Variants in WDR35 observed in about 807,000 individuals in gnomAD.
The protein encoded by WDR35 is WD repeat domain 35.
Under a neutral mutation model 158.3 loss-of-function variants are expected in WDR35, and 118 were observed. The ratio of observed to expected loss-of-function variants is 0.75; its 90% CI spans 0.64 to 0.87. The LOEUF (loss-of-function observed/expected upper bound fraction) is 0.87, where lower values mean the gene tolerates loss of function less well. Ranked by LOEUF, WDR35 falls within the 40% of genes least tolerant of loss-of-function variation. The pLI, the probability that WDR35 is intolerant of heterozygous loss-of-function variation, is 0.00. For synonymous variants in WDR35, 448 were observed against 476.1 expected (o/e 0.94, Z 0.77); for missense variants, 1,263 against 1,405.8 (o/e 0.90, Z 1.62).
intron 2 of WDR35, among the ~76,000 whole-genome samples, chr2:19,986,718 A>G (rs1382947586): frequency 6.6e-6 from 1 of 152,186 alleles, no homozygotes; most frequent in Non-Finnish European, 1.5e-5. Context: ...CCAGCAAAAC[A>G]CTGGAAGCTG....
chr2:19,940,649 T>C (rs148081802), intron 17 of WDR35, among the ~76,000 whole-genome samples: 426 of 152,270 alleles, frequency 2.8e-3, no homozygotes, highest in African/African-American at 9.3e-3. Flanking sequence ...CTGCCTCACA[T>C]GGGGCAAGCT....
At chr2:19,930,627 C>T (rs1553316309) in intron 24 of WDR35, 75 bp from the exon 25 acceptor site, 4 of 1,593,914 alleles carry the variant, frequency 2.5e-6, no homozygotes, top group South Asian at 2.2e-5. Context: ...TAACAACAGT[C>T]ATTAAAGTAT....
At chr2:19,989,918 C>T in intron 1 of WDR35, 74 bp downstream of exon 1, 1 of 1,599,938 alleles carries the variant, frequency 6.3e-7, no homozygotes, top group Non-Finnish European at 8.5e-7. Context: ...AGCCTGGCTT[C>T]TCGGGAAGGC....
Position 19,989,232 on chromosome 2 carries a change from T to C in WDR35, c.75A>G (p.Glu25=). Residue 25 remains glutamate, a synonymous_variant, in exon 2 of 27, where the codon GAA becomes GAG. Coordinates refer to ENST00000281405, the MANE Select transcript of WDR35 (RefSeq NM_020779.4). ...VKLQCVSWNK[E]QGFIACGGED... is the part of the protein sequence containing the mutation. Reference sequence around the variant, plus strand: ...CACCACCGCATGCTATGAACCCTTGTTCCTTGTTCCAGGATACACACTGCA... The same window carrying C: ...CACCACCGCATGCTATGAACCCTTGCTCCTTGTTCCAGGATACACACTGCA... 1 of 1,614,206 alleles carries C rather than the reference T, an allele frequency of 6.2e-7. No individual in the cohort carries two copies. The highest frequency in any genetic ancestry group is 2.2e-5 in the East Asian group (1 of 44,878).
intron 21 of WDR35, 159 bp downstream of exon 21, chr2:19,935,312 T>C (rs1670656900): frequency 1.4e-6 from 1 of 691,836 alleles, no homozygotes; most frequent in Non-Finnish European, 2.2e-6. Flanking sequence ...CTATATTATT[T>C]ATATATTACT....
At chr2:19,969,308 T>C (rs1229976107) in intron 9 of WDR35, among the ~76,000 whole-genome samples, 172 bp downstream of exon 9, 1 of 152,232 alleles carries the variant, frequency 6.6e-6, no homozygotes, top group Non-Finnish European at 1.5e-5. Flanking sequence ...TGGAGTAATT[T>C]TACTAACTAT....
chr2:19,949,502 C>T (rs2103420928), intron 13 of WDR35, among the ~76,000 whole-genome samples: 1 of 152,296 alleles, frequency 6.6e-6, no homozygotes, highest in South Asian at 2.1e-4. Context: ...ATGGTAGCCA[C>T]TAACCTGATG....
chr2:19,916,458 C>G (rs890181045), intron 25 of WDR35, among the ~76,000 whole-genome samples: 1 of 152,222 alleles, frequency 6.6e-6, no homozygotes, highest in Admixed American at 6.5e-5. Flanking sequence ...GGTCCCACCC[C>G]CATGGAGCCC....
intron 10 of WDR35, among the ~76,000 whole-genome samples, chr2:19,962,004 A>G (rs758877282): frequency 5.9e-5 from 9 of 152,172 alleles, no homozygotes; most frequent in Non-Finnish European, 1.3e-4. Flanking sequence ...GTACCCATTT[A>G]TCTTTAGTTA....
chr2:19,944,665 A>G (rs1039081267), intron 16 of WDR35, among the ~76,000 whole-genome samples: 1 of 152,152 alleles, frequency 6.6e-6, no homozygotes, highest in Non-Finnish European at 1.5e-5. Context: ...TTTCCTTTGA[A>G]CTATTTCTCA....
In WDR35 at chr2:19,989,379, A is replaced by G. The variant is rs1256843776; in HGVS notation, c.25-97T>C. On this transcript the variant is annotated intron_variant, in intron 1 of 26. Transcript: ENST00000281405. The stretch of plus-strand genomic sequence containing the variant: ...AAGCTGAAGAAAATCTTCCAAGAAG[A>G]AAAACGAACGGCCTTGCAGAAAAAA... The G allele has an allele frequency of 3.5e-6, 4 of 1,132,902 alleles. No homozygotes were observed. The African/African-American group carries it at 4.6e-5, about 13-fold the overall frequency. 70.2% of individuals were successfully genotyped at this position (1,132,902 alleles called of 1,614,324 possible).
At chr2:19,926,141 A>T (rs892476684) in intron 25 of WDR35, among the ~76,000 whole-genome samples, 2 of 152,268 alleles carry the variant, frequency 1.3e-5, no homozygotes, top group Admixed American at 1.3e-4. Flanking sequence ...CAATTCAGTT[A>T]TACAACCTAT....
intron 13 of WDR35, among the ~76,000 whole-genome samples, chr2:19,948,718 T>C (rs1202234179): frequency 6.6e-6 from 1 of 152,104 alleles, no homozygotes; most frequent in Admixed American, 6.6e-5. Flanking sequence ...ATTCTATCCA[T>C]AAAACATTCT....
At chr2:19,938,007 T>C in intron 18 of WDR35, 61 bp from the exon 19 acceptor site, 2 of 1,569,116 alleles carry the variant, frequency 1.3e-6, no homozygotes, top group Non-Finnish European at 1.8e-6. Flanking sequence ...AAACTAGTCT[T>C]GAATCACAAT....
chr2:19,959,714 A>C (rs1397749706), intron 11 of WDR35, among the ~76,000 whole-genome samples: 5 of 152,048 alleles, frequency 3.3e-5, no homozygotes, highest in African/African-American at 1.2e-4. Flanking sequence ...GGCAACAGGC[A>C]TTAATACTTA....
chr2:19,970,686 A>C (rs1672010562), intron 8 of WDR35, among the ~76,000 whole-genome samples: 1 of 152,212 alleles, frequency 6.6e-6, no homozygotes. Flanking sequence ...TTTAGCCATA[A>C]CTGCTGTGTG....
intron 25 of WDR35, among the ~76,000 whole-genome samples, chr2:19,919,805 T>C (rs1005452657): frequency 1.3e-5 from 2 of 152,182 alleles, no homozygotes; most frequent in East Asian, 3.8e-4. Flanking sequence ...AACTGGTTTT[T>C]TGAATACAAC....
At chr2:19,977,191 G>C (rs1038834208) in intron 5 of WDR35, among the ~76,000 whole-genome samples, 5 of 152,084 alleles carry the variant, frequency 3.3e-5, no homozygotes, top group Admixed American at 3.3e-4. Flanking sequence ...CTATTTCAAT[G>C]GTTTAAATTA....
intron 9 of WDR35, 34 bp downstream of exon 9, chr2:19,969,446 C>G (rs1572357253): frequency 6.3e-7 from 1 of 1,591,138 alleles, no homozygotes; most frequent in East Asian, 2.2e-5. Context: ...TAGTAAGAAA[C>G]ACTGTTTATT....
Sources: gnomAD v4.1 joint callset for allele counts (sites outside exome capture counted in the v4.1 genomes callset) on GRCh38, gnomAD v4.1.1 for gene constraint, MANE v1.5 for transcripts, NCBI Gene and HGNC (gene_info 2026-07-23, HGNC 2026-07-21) for gene names.